Variants in DOCK11 observed in about 807,000 individuals in gnomAD.
DOCK11 encodes dedicator of cytokinesis protein 11.
In DOCK11, 70 loss-of-function variants were observed where a neutral mutation model predicts 169.1. That is an observed-to-expected ratio of 0.41 (90% confidence interval 0.34 to 0.51). The LOEUF is 0.51. Among genes scored for constraint, DOCK11 ranks in the 20% least tolerant of loss-of-function variants. The probability of loss-of-function intolerance (pLI) is 0.10; values close to 1 mark genes in which losing one functional copy is unlikely to be tolerated. For synonymous variants in DOCK11, 529 were observed against 541.3 expected (o/e 0.98, Z 0.32); for missense variants, 1,166 against 1,538.8 (o/e 0.76, Z 4.05).
chrX:118,662,644 C>T (rs1478039031), intron 44 of DOCK11, 42 bp from the exon 45 acceptor site: 2 of 785,423 alleles, frequency 2.5e-6, no homozygotes, highest in Non-Finnish European at 3.9e-6. Context: ...TTACTAAATG[C>T]TTTCTCATAA....
chrX:118,620,863 T>C (rs1345345374), intron 31 of DOCK11, among the ~76,000 whole-genome samples: 1 of 112,345 alleles, frequency 8.9e-6, no homozygotes, highest in African/African-American at 3.2e-5. Context: ...AAGTACAAAA[T>C]GAACTTCCCC....
intron 39 of DOCK11, among the ~76,000 whole-genome samples, chrX:118,642,443 G>T (rs957762407): frequency 2.7e-5 from 3 of 112,020 alleles, no homozygotes; most frequent in African/African-American, 9.7e-5. Context: ...CCTGAAACTG[G>T]TGAATTTTAT....
chrX:118,614,567 T>C (rs1336927927), intron 28 of DOCK11, 125 bp from the exon 29 acceptor site: 6 of 515,450 alleles, frequency 1.2e-5, no homozygotes, highest in Non-Finnish European at 1.9e-5. Context: ...GAAAGTTATC[T>C]ATAAAAATAA....
chrX:118,526,184 T>C (rs1006453080), intron 1 of DOCK11, among the ~76,000 whole-genome samples: 2 of 111,955 alleles, frequency 1.8e-5, no homozygotes, highest in African/African-American at 6.5e-5. Context: ...GGCTTCCAGC[T>C]CCAGTCGTAT....
At chrX:118,593,507 G>A (rs1202998289) in intron 20 of DOCK11, among the ~76,000 whole-genome samples, 170 bp downstream of exon 20, 1 of 112,025 alleles carries the variant, frequency 8.9e-6, no homozygotes, top group African/African-American at 3.2e-5. Flanking sequence ...GGAAGAAAAA[G>A]AAGTTTAATT....
At chrX:118,643,634 C>T (rs2015585171) in intron 40 of DOCK11, 40 bp downstream of exon 40, 1 of 1,189,989 alleles carries the variant, frequency 8.4e-7, no homozygotes, top group South Asian at 1.9e-5. Context: ...GGGCTCTCTT[C>T]ATTGCAAAAA....
At position 118,496,106 on chromosome X, in the gene DOCK11, A is replaced by T. The variant is rs780765864; in HGVS notation, c.102+33A>T. On this transcript the variant is annotated intron_variant, in intron 1 of 52. Transcript: ENST00000276202. Reference sequence around the variant, plus strand: ...GCCGGGGGACGGGGCATCCCGGGGGACGCGCTCCAGGCGGGAGCGACGCGG... The same window carrying T: ...GCCGGGGGACGGGGCATCCCGGGGGTCGCGCTCCAGGCGGGAGCGACGCGG... 474 of 943,000 alleles carry T rather than the reference A, an allele frequency of 5.0e-4. 1 individual carries two copies. In the Middle Eastern group the frequency reaches 5.3e-3, roughly 10 times the overall value. The allele number at this position is 943,000 out of a possible 1,213,427, so 77.7% of individuals were successfully genotyped here.
intron 23 of DOCK11, among the ~76,000 whole-genome samples, chrX:118,599,506 C>T (rs2014272857): frequency 8.9e-6 from 1 of 111,739 alleles, no homozygotes; most frequent in Non-Finnish European, 1.9e-5. Flanking sequence ...ATTGATTTTT[C>T]AGGGGCTTTC....
At chrX:118,564,946 T>C (rs2147379456) in intron 7 of DOCK11, among the ~76,000 whole-genome samples, 1 of 109,981 alleles carries the variant, frequency 9.1e-6, no homozygotes, top group African/African-American at 3.3e-5. Context: ...ATTTTTAATT[T>C]TTTTTTTGAG....
chrX:118,525,637 T>A (rs1175298118), intron 1 of DOCK11, among the ~76,000 whole-genome samples: 1 of 111,697 alleles, frequency 9.0e-6, no homozygotes, highest in Non-Finnish European at 1.9e-5. Context: ...ATATAGTTAA[T>A]GCCAAATGCA....
intron 48 of DOCK11, among the ~76,000 whole-genome samples, chrX:118,677,935 A>C (rs1451050129): frequency 1.8e-5 from 2 of 112,072 alleles, no homozygotes; most frequent in Middle Eastern, 4.2e-3. Flanking sequence ...GCAGTTTTCT[A>C]CCTTATTCTG....
intron 1 of DOCK11, among the ~76,000 whole-genome samples, chrX:118,519,963 C>T (rs2057712708): frequency 9.0e-6 from 1 of 111,521 alleles, no homozygotes; most frequent in Admixed American, 9.5e-5. Flanking sequence ...CTCCTTCAGA[C>T]CTGAAGAAGG....
chrX:118,558,061 G>T (rs972150822), intron 6 of DOCK11, among the ~76,000 whole-genome samples: 2 of 98,209 alleles, frequency 2.0e-5, no homozygotes, highest in Non-Finnish European at 4.1e-5. Context: ...TGCAGCCTCC[G>T]CCTCCCGGGT....
intron 6 of DOCK11, among the ~76,000 whole-genome samples, chrX:118,553,364 A>AT (rs2012569871): frequency 8.9e-6 from 1 of 111,745 alleles, no homozygotes; most frequent in South Asian, 3.7e-4. Context: ...GTGGTTTTTC[A>AT]TTTTTTAAAA....
rs753190412 is a variant in DOCK11, at chrX:118,573,889, T to C, written c.1260T>C (p.Asn420=). Residue 420 remains asparagine (N), a synonymous_variant, in exon 12 of 53, where the codon AAT becomes AAC. Transcript: ENST00000276202. ...CAGCAGACTTTCATGTAGACCTGAA[T>C]CCCCCATCTGTCCGTGAAATGCTGT... The part of the protein sequence containing the change: ...KISADFHVDL[N]PPSVREMLWG... The C allele has an allele frequency of 1.3e-5, 16 of 1,209,243 alleles. No individual in the cohort carries two copies. The highest frequency in any genetic ancestry group is 1.8e-5 in the Non-Finnish European group (16 of 894,881).
At chrX:118,661,465 T>C (rs996635787) in intron 44 of DOCK11, among the ~76,000 whole-genome samples, 1 of 110,941 alleles carries the variant, frequency 9.0e-6, no homozygotes, top group Admixed American at 9.7e-5. Context: ...GTCTGATTTT[T>C]TTTTTAAACC....
At chrX:118,510,315 G>GTTC (rs2147311234) in intron 1 of DOCK11, among the ~76,000 whole-genome samples, 1 of 112,408 alleles carries the variant, frequency 8.9e-6, no homozygotes, top group East Asian at 2.8e-4. Flanking sequence ...TTCAAATGAG[G>GTTC]AAGCACAATC....
chrX:118,509,430 T>A (rs779066468), intron 1 of DOCK11, among the ~76,000 whole-genome samples: 10 of 111,738 alleles, frequency 8.9e-5, no homozygotes, highest in Non-Finnish European at 1.5e-4. Context: ...TCCTGGCTAA[T>A]TTTTTGTATG....
At chrX:118,632,936 T>C (rs1311843492) in intron 35 of DOCK11, 1 of 76,490 alleles carries the variant, frequency 1.3e-5, no homozygotes, top group Non-Finnish European at 2.4e-5. Context: ...AAAACATTGT[T>C]GCTTCCTTAA....
Sources: allele counts gnomAD v4.1 joint callset (sites outside exome capture counted in the v4.1 genomes callset), GRCh38; gene constraint gnomAD v4.1.1; transcripts MANE v1.5; gene names NCBI Gene and HGNC (gene_info 2026-07-23, HGNC 2026-07-21).